The following DGKG variants were observed in gnomAD, a reference collection of about 807,000 sequenced individuals.
DGKG encodes the protein diacylglycerol kinase gamma.
A neutral mutation model predicts 105.3 loss-of-function variants in DGKG; 78 were observed. That is an observed-to-expected ratio of 0.74 (90% CI 0.62 to 0.89). The LOEUF is 0.89. Ranked by LOEUF, DGKG falls within the 40% of genes least tolerant of loss-of-function variation. The probability of loss-of-function intolerance (pLI) is 0.00; values close to 1 mark genes in which losing one functional copy is unlikely to be tolerated. For synonymous variants in DGKG, 346 were observed against 367.1 expected (o/e 0.94, Z 0.66); for missense variants, 958 against 1,020.1 (o/e 0.94, Z 0.83).
At chr3:186,202,427 C>T (rs887553085) in intron 21 of DGKG, among the ~76,000 whole-genome samples, 4 of 152,164 alleles carry the variant, frequency 2.6e-5, no homozygotes, top group Non-Finnish European at 5.9e-5. Context: ...ATATAATATT[C>T]TCTGTTTAAT....
chr3:186,250,649 A>G (rs746302061), intron 19 of DGKG, among the ~76,000 whole-genome samples: 63 of 141,660 alleles, frequency 4.4e-4, no homozygotes, highest in Admixed American at 9.5e-4. Flanking sequence ...TCCCAGGTTC[A>G]AGCAATTCTC....
At chr3:186,218,276 G>A (rs1472266278) in intron 20 of DGKG, among the ~76,000 whole-genome samples, 2 of 151,902 alleles carry the variant, frequency 1.3e-5, no homozygotes, top group African/African-American at 4.8e-5. Flanking sequence ...AGGCTGAGGC[G>A]GGTGGATCAT....
chr3:186,261,707 T>C lies in DGKG; in HGVS notation c.1341A>G (p.Gln447=), dbSNP rs1313323194. The C allele has an allele frequency of 3.1e-6, 5 of 1,605,482 alleles. No individual in the cohort carries two copies. In the South Asian group the frequency reaches 4.5e-5, roughly 14 times the overall value. ...VLVNPKSGGR[Q]GERILRKFHY... ...AACAGAAGAGAACGTACCTTTCTCC[T>C]TGTCTCCCTCCACTCTTGGGGTTCA... Residue 447 remains glutamine (Q), a synonymous_variant, in exon 15 of 25, where the codon CAA becomes CAG. Transcript: ENST00000265022.
intron 20 of DGKG, among the ~76,000 whole-genome samples, chr3:186,230,790 G>T (rs1418004664): frequency 6.6e-6 from 1 of 152,166 alleles, no homozygotes; most frequent in East Asian, 1.9e-4. Context: ...ATAAAATTGT[G>T]CAATTAAACT....
chr3:186,209,252 C>T (rs1419287082), intron 21 of DGKG, among the ~76,000 whole-genome samples: 1 of 151,726 alleles, frequency 6.6e-6, no homozygotes, highest in Non-Finnish European at 1.5e-5. Context: ...AGGCGCCCAC[C>T]ACCCACACCT....
At chr3:186,273,380 T>C (rs995680114) in intron 10 of DGKG, among the ~76,000 whole-genome samples, 158 of 141,842 alleles carry the variant, frequency 1.1e-3, no homozygotes, top group African/African-American at 3.9e-3. Flanking sequence ...TTTTTTTTTT[T>C]TTTTTTTTTT....
intron 2 of DGKG, among the ~76,000 whole-genome samples, chr3:186,308,692 T>G (rs991853375): frequency 6.6e-6 from 1 of 152,224 alleles, no homozygotes; most frequent in Non-Finnish European, 1.5e-5. Context: ...TCAAAACAGA[T>G]GTTGAAAAAC....
chr3:186,318,517 C>T (rs1335865034), intron 2 of DGKG, among the ~76,000 whole-genome samples: 1 of 152,170 alleles, frequency 6.6e-6, no homozygotes. Context: ...CCCTCAATAA[C>T]TCAGGATGTA....
At position 186,320,624 on chromosome 3, in the gene DGKG, A is replaced by C; in HGVS notation, c.-165T>G. On this transcript the variant is annotated 5_prime_UTR_variant, in exon 2 of 25. Coordinates refer to ENST00000265022, the MANE Select transcript of DGKG (RefSeq NM_001346.3). ...TATACAGCAGCAGCAGGCACCTCTC[A>C]GAAGATGAGACAAGATCTCTGCTAT... 2.7e-5 allele frequency: 31 copies of C among 1,142,172 alleles called. No homozygotes were observed. The highest frequency in any genetic ancestry group is 3.6e-5 in the Non-Finnish European group (30 of 831,488). 70.8% of individuals were successfully genotyped at this position (1,142,172 alleles called of 1,614,324 possible).
At chr3:186,263,655 A>ATTTTT (rs34266987) in intron 14 of DGKG, among the ~76,000 whole-genome samples, 1 of 146,618 alleles carries the variant, frequency 6.8e-6, no homozygotes. Context: ...GTTCATTTGT[A>ATTTTT]TTTTTTTTTT....
In DGKG at chr3:186,242,565, C is replaced by T. The variant is rs764617077; in HGVS notation, c.1765G>A (p.Ala589Thr). The T allele has an allele frequency of 1.3e-5, 21 of 1,613,184 alleles. No homozygotes were observed. Among genetic ancestry groups the T allele is most frequent in the East Asian group, 1.1e-4 (5 of 44,878 alleles). The change falls in exon 20 of 25, where the codon GCT (alanine) becomes ACT (threonine). Residue 589 changes from alanine to threonine, a missense_variant. This residue lies in a region of DGKG where 315 missense variants were observed against 400.6 expected (regional missense o/e 0.79). Coordinates refer to ENST00000265022, the MANE Select transcript of DGKG (RefSeq NM_001346.3). ...ACATGGAATCTGTGTGCAATGGAAG[C>T]GTCCTGAAAGTGAAAGAGACAAAGC... is the stretch of plus-strand genomic sequence containing the variant. Reference protein sequence around the residue: ...MNNYFSIGVDASIAHRFHVMR... With the variant: ...MNNYFSIGVDTSIAHRFHVMR...
chr3:186,214,726 G>A (rs1178222834), intron 20 of DGKG, among the ~76,000 whole-genome samples: 5 of 152,314 alleles, frequency 3.3e-5, no homozygotes, highest in African/African-American at 9.6e-5. Context: ...TGTTTGGTGT[G>A]AGACAAAGTA....
At position 186,161,609 on chromosome 3, in the gene DGKG, A is replaced by T. The variant is rs767100068; in HGVS notation, c.2271T>A (p.Cys757Ter). ...QVDGEPWMQP[C>*]CTIKITHKNQ... ...AAAGATTGGCAAGACTCACCGTGCAACATGGCTGCATCCAGGGTTCTCCAT... is the reference window on the plus strand; with the variant it reads ...AAAGATTGGCAAGACTCACCGTGCATCATGGCTGCATCCAGGGTTCTCCAT... The change falls in exon 24 of 25, where the codon TGT becomes TGA. Residue 757 changes from cysteine (C) to a stop codon, truncating the protein, a stop_gained. Coordinates refer to ENST00000265022, the MANE Select transcript of DGKG (RefSeq NM_001346.3). LOFTEE classifies it high-confidence loss of function. 1.2e-6 allele frequency: 2 copies of T among 1,614,220 alleles called. No homozygotes were observed. Among genetic ancestry groups the T allele is most frequent in the Non-Finnish European group, 1.7e-6 (2 of 1,180,032 alleles).
At chr3:186,208,028 T>C (rs1279768167) in intron 21 of DGKG, among the ~76,000 whole-genome samples, 1 of 152,116 alleles carries the variant, frequency 6.6e-6, no homozygotes, top group Non-Finnish European at 1.5e-5. Flanking sequence ...CTGAATGGCT[T>C]TTTTTCTTTC....
At chr3:186,211,244 C>G (rs1420986973) in intron 21 of DGKG, among the ~76,000 whole-genome samples, 1 of 152,168 alleles carries the variant, frequency 6.6e-6, no homozygotes. Context: ...AATCAAGGGC[C>G]CTTCTAAGCA....
At position 186,203,208 on chromosome 3, in the gene DGKG, C is replaced by T. The variant is rs567806255; in HGVS notation, c.1917+8587G>A. Among the ~76,000 whole-genome samples the T allele has an allele frequency of 1.3e-5, 2 of 152,196 alleles. No homozygotes were observed. The highest frequency in any genetic ancestry group is 2.4e-5 in the African/African-American group (1 of 41,520). ...GTGAAGGAAACTCGTAGTCAGTGCA[C>T]GACTGAAAGAGACAGAGATGGGGAT... On this transcript the variant is annotated intron_variant, in intron 21 of 24. Coordinates refer to ENST00000265022, the MANE Select transcript of DGKG (RefSeq NM_001346.3). The surrounding 1 kb of genome is among the most constrained non-coding windows in gnomAD (Gnocchi z 4.9).
At chr3:186,315,687 C>A (rs567302730) in intron 2 of DGKG, among the ~76,000 whole-genome samples, 1 of 152,058 alleles carries the variant, frequency 6.6e-6, no homozygotes, top group Non-Finnish European at 1.5e-5. Context: ...TCTCTGCAAC[C>A]GCTAACAGCT....
intron 1 of DGKG, among the ~76,000 whole-genome samples, chr3:186,359,708 G>T (rs762047856): frequency 6.6e-6 from 1 of 152,088 alleles, no homozygotes; most frequent in Non-Finnish European, 1.5e-5. Context: ...CCCAATAAAT[G>T]CTGGCTCTCT....
intron 1 of DGKG, among the ~76,000 whole-genome samples, chr3:186,328,590 T>C (rs1186394343): frequency 2.0e-5 from 3 of 151,564 alleles, no homozygotes; most frequent in African/African-American, 4.9e-5. Flanking sequence ...TTTTTTTTTT[T>C]CTTGAGATGG....
Sources: gnomAD v4.1 joint callset for allele counts (sites outside exome capture counted in the v4.1 genomes callset) on GRCh38, gnomAD v4.1.1 for gene constraint, gnomAD v4.1.1 regional missense constraint, Gnocchi (gnomAD v3.1) non-coding constraint, MANE v1.5 for transcripts, NCBI Gene and HGNC (gene_info 2026-07-23, HGNC 2026-07-21) for gene names.